Variants in KCNK9 observed in about 807,000 individuals in gnomAD.
KCNK9 encodes the protein potassium two pore domain channel subfamily K member 9.
Under a neutral mutation model 10.8 loss-of-function variants are expected in KCNK9, and 1 was observed. That is an observed-to-expected ratio of 0.09 (90% CI 0.03 to 0.44). The LOEUF (loss-of-function observed/expected upper bound fraction) is 0.44. Ranked by LOEUF, KCNK9 falls within the 20% of genes least tolerant of loss-of-function variation. KCNK9 has a pLI of 0.97. For synonymous variants in KCNK9, 231 were observed against 222.7 expected, an observed-to-expected ratio of 1.04 and a Z score of -0.33; for missense variants, 303 against 515.0, an observed-to-expected ratio of 0.59 and a Z score of 3.98.
chr8:139,697,772 C>T (rs914786740), intron 1 of KCNK9, among the ~76,000 whole-genome samples: 3 of 152,112 alleles, frequency 2.0e-5, no homozygotes, highest in Non-Finnish European at 2.9e-5. Context: ...CTTTGATGTA[C>T]CCCAGAATCA....
rs948151706 is a variant in KCNK9, at chr8:139,692,428, C to T, written c.283+10282G>A. On this transcript the variant is annotated intron_variant, in intron 1 of 1. Coordinates refer to ENST00000520439, the MANE Select transcript of KCNK9 (RefSeq NM_001282534.2). Reference sequence around the variant, plus strand: ...GTCGTAGGGAATTTCCTCCCTTTCACGAAACACTCTGCCGTTGCTTGCCAA... The same window carrying T: ...GTCGTAGGGAATTTCCTCCCTTTCATGAAACACTCTGCCGTTGCTTGCCAA... Among the ~76,000 whole-genome samples the T allele has an allele frequency of 1.8e-4, 28 of 152,312 alleles. 1 individual carries two copies. The Middle Eastern group carries it at 0.01, about 56-fold the overall frequency.
At chr8:139,614,179 T>C (rs796895686), downstream of KCNK9, among the ~76,000 whole-genome samples, 3 of 152,120 alleles carry the variant, frequency 2.0e-5, no homozygotes, top group South Asian at 6.2e-4. Flanking sequence ...CTTCCAGATA[T>C]GGATGAGGCA....
chr8:139,620,794 G>C (rs1043687455), intron 1 of KCNK9, among the ~76,000 whole-genome samples: 1 of 152,032 alleles, frequency 6.6e-6, no homozygotes, highest in Non-Finnish European at 1.5e-5. Context: ...ATATGACAAA[G>C]TTAGGCCAGA....
In KCNK9 at chr8:139,618,153, G is replaced by T; in HGVS notation, c.*105C>A. On this transcript the variant is annotated 3_prime_UTR_variant, in exon 2 of 2. Coordinates refer to ENST00000520439, the MANE Select transcript of KCNK9 (RefSeq NM_001282534.2). This position sits in a 1 kb window ranked among gnomAD's most constrained non-coding sequence, Gnocchi z 7.9. ...AGGAGGAAGGAGAGAAAGTAATAAT[G>T]ATGACAATAATAATAATAAATAAAT... 1 of 1,430,802 alleles carries T rather than the reference G, an allele frequency of 7.0e-7. No individual in the cohort carries two copies. The highest frequency in any genetic ancestry group is 9.6e-7 in the Non-Finnish European group (1 of 1,036,854). 88.6% of individuals were successfully genotyped at this position (1,430,802 alleles called of 1,614,324 possible). A position where few individuals can be genotyped will look rare whatever the true frequency, so the allele number is the denominator to read the frequency against.
In KCNK9 at chr8:139,618,927, A is replaced by T; in HGVS notation, c.456T>A (p.Thr152=). ...TCACCATGTTCTCCATAGACACGTC[A>T]GTGTTGCGCATGCCACAGCACTTCT... The part of the protein sequence containing the change: ...RIKKCCGMRN[T]DVSMENMVTV... The change falls in exon 2 of 2, where the codon ACT becomes ACA. Residue 152 remains threonine, a synonymous_variant. Transcript: ENST00000520439. This position sits in a 1 kb window ranked among gnomAD's most constrained non-coding sequence, Gnocchi z 7.9. 6.2e-7 allele frequency: 1 copy of T among 1,614,236 alleles called. No homozygotes were observed. Among genetic ancestry groups the T allele is most frequent in the Non-Finnish European group, 8.5e-7 (1 of 1,180,042 alleles).
chr8:139,642,185 TC>T (rs1165406651), intron 1 of KCNK9, among the ~76,000 whole-genome samples: 1 of 152,088 alleles, frequency 6.6e-6, no homozygotes, highest in Non-Finnish European at 1.5e-5. Flanking sequence ...GGGCAGCGCT[TC>T]CCCCACCTAA....
chr8:139,685,473 T>G (rs1816770037), intron 1 of KCNK9, among the ~76,000 whole-genome samples: 1 of 152,100 alleles, frequency 6.6e-6, no homozygotes, highest in South Asian at 2.1e-4. Flanking sequence ...TAATGTTCCC[T>G]TCCCTGTGTC....
chr8:139,628,067 C>T (rs1417895602), intron 1 of KCNK9, among the ~76,000 whole-genome samples: 2 of 152,242 alleles, frequency 1.3e-5, no homozygotes, highest in African/African-American at 4.8e-5. Context: ...ATGAAACAGA[C>T]CATCTGTCTC....
chr8:139,694,828 C>A (rs1817014074), intron 1 of KCNK9, among the ~76,000 whole-genome samples: 2 of 152,170 alleles, frequency 1.3e-5, no homozygotes, highest in Non-Finnish European at 2.9e-5. Context: ...ACCCCACTCA[C>A]CTAGCACCAC....
In KCNK9 at chr8:139,702,640, G is replaced by C. The variant is rs1817256912; in HGVS notation, c.283+70C>G. ...CTCGACGCCCTGCACCCAGCCCGGC[G>C]CGGCGCGCTCAGCCGCCTCCCCGGA... On this transcript the variant is annotated intron_variant, in intron 1 of 1. Transcript: ENST00000520439. This position sits in a 1 kb window ranked among gnomAD's most constrained non-coding sequence, Gnocchi z 7.5. The C allele has an allele frequency of 2.7e-6, 4 of 1,493,484 alleles. No individual in the cohort carries two copies. The highest frequency in any genetic ancestry group is 3.6e-6 in the Non-Finnish European group (4 of 1,114,636). 92.5% of individuals were successfully genotyped at this position (1,493,484 alleles called of 1,614,324 possible).
intron 1 of KCNK9, among the ~76,000 whole-genome samples, chr8:139,626,247 T>A (rs1173661190): frequency 6.6e-6 from 1 of 152,158 alleles, no homozygotes; most frequent in African/African-American, 2.4e-5. Context: ...CACCTGACCA[T>A]GAGTGACCTT....
At position 139,640,475 on chromosome 8, in the gene KCNK9, T is replaced by G. The variant is rs75303429; in HGVS notation, c.284-21376A>C. Among the ~76,000 whole-genome samples, 591 of 152,312 alleles carry G rather than the reference T, an allele frequency of 3.9e-3. 2 individuals carry two copies. Among genetic ancestry groups the G allele is most frequent in the African/African-American group, 0.013 (545 of 41,564 alleles). On this transcript the variant is annotated intron_variant, in intron 1 of 1. Transcript: ENST00000520439. ...AGAGAACAGCCCTGGGGTCCTCCCC[T>G]AGCCACCCTAGATTGGGTTGGGGTC...
intron 1 of KCNK9, among the ~76,000 whole-genome samples, chr8:139,641,584 T>C (rs1317494099): frequency 2.6e-5 from 4 of 151,814 alleles, no homozygotes; most frequent in Non-Finnish European, 5.9e-5. Flanking sequence ...ACGGTGGGCC[T>C]CTCCAGAAGC....
At chr8:139,687,481 T>TGCATATATAC in intron 1 of KCNK9, among the ~76,000 whole-genome samples, 1 of 119,250 alleles carries the variant, frequency 8.4e-6, no homozygotes, top group South Asian at 2.5e-4. Context: ...TATATATGTA[T>TGCATATATAC]ACATATATAC....
At chr8:139,605,511 A>G (rs1586619077) in intron 2 of KCNK9, among the ~76,000 whole-genome samples, 1 of 152,224 alleles carries the variant, frequency 6.6e-6, no homozygotes, top group South Asian at 2.1e-4. Flanking sequence ...AACAGGGTAT[A>G]CAGCCAGGAC....
intron 1 of KCNK9, among the ~76,000 whole-genome samples, chr8:139,677,715 A>G (rs1447927527): frequency 0.057 from 2,626 of 45,898 alleles, 177 homozygotes; most frequent in African/African-American, 0.15. Context: ...GTAATACCTC[A>G]CATCCCAGCC....
chr8:139,645,706 A>G (rs1815654639), intron 1 of KCNK9, among the ~76,000 whole-genome samples: 1 of 152,126 alleles, frequency 6.6e-6, no homozygotes, highest in Non-Finnish European at 1.5e-5. Flanking sequence ...CTTCAGCCAG[A>G]AGGCTCTCAA....
At chr8:139,662,677 G>T (rs1282328598) in intron 1 of KCNK9, among the ~76,000 whole-genome samples, 1 of 152,000 alleles carries the variant, frequency 6.6e-6, no homozygotes, top group Non-Finnish European at 1.5e-5. Context: ...GGAGGGTCTA[G>T]CCAGGGTGGG....
At chr8:139,659,663 C>T (rs1816103597) in intron 1 of KCNK9, among the ~76,000 whole-genome samples, 1 of 151,004 alleles carries the variant, frequency 6.6e-6, no homozygotes, top group Non-Finnish European at 1.5e-5. Flanking sequence ...AGGAGCCCAC[C>T]ACCATGCCCA....
Sources: allele counts gnomAD v4.1 joint callset (sites outside exome capture counted in the v4.1 genomes callset), GRCh38; gene constraint gnomAD v4.1.1; non-coding constraint Gnocchi (gnomAD v3.1); transcripts MANE v1.5; gene names NCBI Gene and HGNC (gene_info 2026-07-23, HGNC 2026-07-21).